DPYS: variants seen among roughly 807,000 people sequenced by gnomAD.
DPYS encodes dihydropyrimidinase.
In DPYS, 39 loss-of-function variants were observed where a neutral mutation model predicts 50.3. That is an observed-to-expected ratio of 0.78 (90% CI 0.60 to 1.01). The LOEUF (loss-of-function observed/expected upper bound fraction) is 1.01. DPYS is among the 50% of genes least tolerant of loss of function. The pLI is 0.00. For missense variants in DPYS, 659 were observed against 680.9 expected, an observed-to-expected ratio of 0.97 and a Z score of 0.36; for synonymous variants, 245 against 250.7, an observed-to-expected ratio of 0.98 and a Z score of 0.22.
intron 1 of DPYS, 86 bp from the exon 2 acceptor site, chr8:104,451,490 C>T (rs893584500): frequency 6.4e-6 from 10 of 1,572,132 alleles, no homozygotes; most frequent in African/African-American, 1.3e-5. Context: ...CATTTGTAAG[C>T]ACTTGGGCAA....
At chr8:104,463,721 G>T (rs958959776) in intron 1 of DPYS, among the ~76,000 whole-genome samples, 3 of 152,204 alleles carry the variant, frequency 2.0e-5, no homozygotes, top group African/African-American at 7.2e-5. Context: ...ATAATAGGAA[G>T]ATGTTTTTCA....
chr8:104,410,640 C>T (rs1000128650), intron 7 of DPYS, among the ~76,000 whole-genome samples: 1 of 152,090 alleles, frequency 6.6e-6, no homozygotes, highest in African/African-American at 2.4e-5. Flanking sequence ...CTACTGGTGC[C>T]AGGCAAATTG....
chr8:104,381,743 G>A (rs1371783538), intron 8 of DPYS, among the ~76,000 whole-genome samples: 1 of 152,112 alleles, frequency 6.6e-6, no homozygotes, highest in Non-Finnish European at 1.5e-5. Context: ...TCCTGTCTCT[G>A]TGCATTATGG....
chr8:104,403,232 C>T (rs1370131055), intron 7 of DPYS, among the ~76,000 whole-genome samples: 13 of 152,300 alleles, frequency 8.5e-5, no homozygotes, highest in Non-Finnish European at 1.6e-4. Flanking sequence ...TGCTCCTGAT[C>T]GGGTATTCCT....
chr8:104,429,401 C>G, intron 5 of DPYS, 144 bp downstream of exon 5: 1 of 950,698 alleles, frequency 1.1e-6, no homozygotes, highest in African/African-American at 1.6e-5. Flanking sequence ...TTTTGCTCTG[C>G]AGGTGAGGGG....
intron 4 of DPYS, among the ~76,000 whole-genome samples, chr8:104,439,504 G>A (rs547698253): frequency 5.9e-5 from 9 of 152,186 alleles, no homozygotes; most frequent in South Asian, 2.1e-4. Flanking sequence ...CAAAGCCAGC[G>A]GGTCGTGGTA....
intron 8 of DPYS, among the ~76,000 whole-genome samples, chr8:104,386,622 TTTTA>T: frequency 6.6e-6 from 1 of 151,888 alleles, no homozygotes. Context: ...TTTTTTTTCT[TTTTA>T]TTTATTTATT....
intron 7 of DPYS, among the ~76,000 whole-genome samples, chr8:104,405,577 C>A (rs1226196369): frequency 6.6e-6 from 1 of 152,232 alleles, no homozygotes; most frequent in African/African-American, 2.4e-5. Flanking sequence ...TCTGTCAGAG[C>A]TAGAAGCTCA....
rs150905242 is a variant in DPYS, at chr8:104,454,586, C to T, written c.265-3182G>A. On this transcript the variant is annotated intron_variant, in intron 1 of 9. Transcript: ENST00000351513. The stretch of plus-strand genomic sequence containing the variant: ...GTAGTGAAGGGAGTGGGAGATCACA[C>T]AAATAATTAGGCAATGATTCTGCCC... Among the ~76,000 whole-genome samples the T allele has an allele frequency of 3.8e-4, 58 of 152,198 alleles. 1 individual carries two copies. The highest frequency in any genetic ancestry group is 1.3e-3 in the African/African-American group (55 of 41,524).
At chr8:104,412,659 C>A (rs1053159616) in intron 7 of DPYS, among the ~76,000 whole-genome samples, 11 of 152,330 alleles carry the variant, frequency 7.2e-5, no homozygotes, top group Middle Eastern at 3.4e-3. Context: ...AGCTTTGTTT[C>A]TGTGGCTCTG....
intron 1 of DPYS, among the ~76,000 whole-genome samples, chr8:104,464,912 G>GA (rs1425056384): frequency 4.6e-5 from 7 of 152,186 alleles, no homozygotes. Context: ...TAGCAAAAGG[G>GA]AAAAATGAAT....
intron 1 of DPYS, among the ~76,000 whole-genome samples, chr8:104,456,588 C>A (rs1277732726): frequency 6.6e-6 from 1 of 152,182 alleles, no homozygotes; most frequent in Non-Finnish European, 1.5e-5. Context: ...TTTGGAGAAG[C>A]TGTATTGAAT....
chr8:104,436,962 T>C (rs868866750), intron 4 of DPYS, among the ~76,000 whole-genome samples: 1 of 151,988 alleles, frequency 6.6e-6, no homozygotes, highest in Admixed American at 6.6e-5. Context: ...AACAAGAACG[T>C]TTTCTTGGAA....
intron 8 of DPYS, among the ~76,000 whole-genome samples, chr8:104,391,089 C>T (rs1811370635): frequency 6.6e-6 from 1 of 152,162 alleles, no homozygotes. Flanking sequence ...TAAAGAACTG[C>T]AGTTTTCTGA....
intron 9 of DPYS, among the ~76,000 whole-genome samples, 180 bp from the exon 10 acceptor site, chr8:104,380,023 G>T (rs1810979813): frequency 2.0e-5 from 3 of 152,002 alleles, no homozygotes. Context: ...ATCTTTCCCT[G>T]AATTTTTAAC....
At chr8:104,441,441 G>T (rs774979041) in intron 4 of DPYS, among the ~76,000 whole-genome samples, 7 of 152,198 alleles carry the variant, frequency 4.6e-5, no homozygotes, top group Non-Finnish European at 1.0e-4. Context: ...GGGATTAATA[G>T]ATATGATTAA....
intron 3 of DPYS, among the ~76,000 whole-genome samples, chr8:104,446,874 T>C (rs1038752338): frequency 6.6e-6 from 1 of 152,196 alleles, no homozygotes; most frequent in Non-Finnish European, 1.5e-5. Context: ...TAATATCCAG[T>C]TTCTGAAAAG....
At chr8:104,451,081 C>G (rs1299971153) in intron 2 of DPYS, among the ~76,000 whole-genome samples, 165 bp downstream of exon 2, 3 of 152,010 alleles carry the variant, frequency 2.0e-5, no homozygotes, top group East Asian at 3.9e-4. Context: ...TAATACTTCA[C>G]AGAATTAAAA....
intron 2 of DPYS, among the ~76,000 whole-genome samples, chr8:104,449,112 T>A (rs1813640623): frequency 6.6e-6 from 1 of 152,248 alleles, no homozygotes; most frequent in Non-Finnish European, 1.5e-5. Flanking sequence ...TGATGGAATG[T>A]GCTCCAAGTT....
Sources: allele counts gnomAD v4.1 joint callset (sites outside exome capture counted in the v4.1 genomes callset), GRCh38; gene constraint gnomAD v4.1.1; transcripts MANE v1.5; gene names NCBI Gene and HGNC (gene_info 2026-07-23, HGNC 2026-07-21).